Variants in AKAP19 observed in about 807,000 individuals in gnomAD.
The protein encoded by AKAP19 is A-kinase anchoring protein 19.
the AKAP19 span, among the ~76,000 whole-genome samples, chr2:190,046,012 C>T: frequency 3.7e-4 from 57 of 152,344 alleles, 1 homozygote; most frequent in South Asian, 0.012. Context: ...CAGGGTCGCA[C>T]ATTCACTCAC....
At chr2:189,887,351 C>T in the AKAP19 span, among the ~76,000 whole-genome samples, 1 of 152,188 alleles carries the variant, frequency 6.6e-6, no homozygotes, top group Non-Finnish European at 1.5e-5. Flanking sequence ...TGTATATGTG[C>T]CACATTTTCT....
chr2:190,073,782 T>A, the AKAP19 span, among the ~76,000 whole-genome samples: 1 of 151,880 alleles, frequency 6.6e-6, no homozygotes. Flanking sequence ...CCGGGTGCGG[T>A]GGCTCACGCC....
At chr2:189,895,686 A>C in the AKAP19 span, among the ~76,000 whole-genome samples, 1 of 152,116 alleles carries the variant, frequency 6.6e-6, no homozygotes, top group Non-Finnish European at 1.5e-5. Flanking sequence ...TATTGAGGGG[A>C]CTTGAATATC....
chr2:190,028,610 G>T, the AKAP19 span, among the ~76,000 whole-genome samples: 1 of 151,968 alleles, frequency 6.6e-6, no homozygotes, highest in Admixed American at 6.6e-5. Flanking sequence ...TATGCTTTTA[G>T]CTTCAGTAGA....
chr2:189,887,400 C>G, the AKAP19 span, among the ~76,000 whole-genome samples: 1 of 152,146 alleles, frequency 6.6e-6, no homozygotes. Context: ...GGGTTGGTTC[C>G]AAGTCTTTGC....
At chr2:190,108,316 C>T in the AKAP19 span, among the ~76,000 whole-genome samples, 6 of 152,064 alleles carry the variant, frequency 3.9e-5, no homozygotes, top group African/African-American at 7.2e-5. Flanking sequence ...CCAACACGCC[C>T]GGCTAATTTT....
At chr2:189,956,995 G>C in the AKAP19 span, among the ~76,000 whole-genome samples, 12 of 152,142 alleles carry the variant, frequency 7.9e-5, no homozygotes, top group Admixed American at 5.2e-4. Context: ...GGCCAATATG[G>C]TAAAACCTTG....
the AKAP19 span, among the ~76,000 whole-genome samples, chr2:189,989,702 A>G: frequency 6.6e-6 from 1 of 152,200 alleles, no homozygotes; most frequent in Non-Finnish European, 1.5e-5. Flanking sequence ...GTAGAACCCC[A>G]TCTGGAAAAG....
chr2:190,185,389 A>T, the AKAP19 span, among the ~76,000 whole-genome samples: 1 of 152,214 alleles, frequency 6.6e-6, no homozygotes, highest in African/African-American at 2.4e-5. Flanking sequence ...ATGTGACTGG[A>T]GGAGGTGGTT....
chr2:190,197,227 A>G, the AKAP19 span, among the ~76,000 whole-genome samples: 1 of 152,224 alleles, frequency 6.6e-6, no homozygotes, highest in South Asian at 2.1e-4. This position sits in a 1 kb window ranked among gnomAD's most constrained non-coding sequence, Gnocchi z 4.0. Context: ...TAGCCCTTTA[A>G]GAAAACACTT....
chr2:190,192,486 G>GTATC, the AKAP19 span, among the ~76,000 whole-genome samples: 2 of 146,442 alleles, frequency 1.4e-5, no homozygotes, highest in African/African-American at 5.3e-5. Flanking sequence ...GTGTGTGTGT[G>GTATC]TGTGTATCTA....
At chr2:189,913,017 A>AT in the AKAP19 span, among the ~76,000 whole-genome samples, 1 of 152,176 alleles carries the variant, frequency 6.6e-6, no homozygotes, top group Non-Finnish European at 1.5e-5. Context: ...AAAAGGATCT[A>AT]CTGGGAGAAG....
At chr2:190,012,769 G>A in the AKAP19 span, among the ~76,000 whole-genome samples, 26 of 152,160 alleles carry the variant, frequency 1.7e-4, no homozygotes, top group African/African-American at 5.3e-4. Flanking sequence ...CCTTTATTGT[G>A]TTGATTTCTA....
At chr2:189,910,431 G>A in the AKAP19 span, among the ~76,000 whole-genome samples, 5 of 151,714 alleles carry the variant, frequency 3.3e-5, no homozygotes, top group Non-Finnish European at 5.9e-5. Flanking sequence ...GCTCTTACCC[G>A]AATACTTTCC....
chr2:189,922,109 A>G, the AKAP19 span, among the ~76,000 whole-genome samples: 3 of 152,190 alleles, frequency 2.0e-5, no homozygotes, highest in Admixed American at 6.5e-5. Flanking sequence ...GAACAATGAA[A>G]TTGGCAGAAG....
At chr2:190,164,811 T>C in the AKAP19 span, among the ~76,000 whole-genome samples, 1 of 152,294 alleles carries the variant, frequency 6.6e-6, no homozygotes, top group Non-Finnish European at 1.5e-5. Context: ...AAAACTTACA[T>C]TCCTTGAGTG....
chr2:190,070,245 C>T, the AKAP19 span, among the ~76,000 whole-genome samples: 10 of 152,118 alleles, frequency 6.6e-5, no homozygotes, highest in East Asian at 1.4e-3. Context: ...CCCATTTGCT[C>T]AGGTATTGGG....
the AKAP19 span, among the ~76,000 whole-genome samples, chr2:189,972,866 C>T: frequency 6.1e-3 from 936 of 152,308 alleles, 6 homozygotes; most frequent in African/African-American, 0.021. Flanking sequence ...TGCTTATCAG[C>T]TTAAGGAGAT....
At chr2:190,167,289 C>T in the AKAP19 span, among the ~76,000 whole-genome samples, 1 of 152,110 alleles carries the variant, frequency 6.6e-6, no homozygotes, top group African/African-American at 2.4e-5. Flanking sequence ...AGACTTACCA[C>T]GAGAACAGCA....
Sources: allele counts gnomAD v4.1 joint callset (sites outside exome capture counted in the v4.1 genomes callset), GRCh38; gene constraint gnomAD v4.1.1; non-coding constraint Gnocchi (gnomAD v3.1); transcripts MANE v1.5; gene names NCBI Gene and HGNC (gene_info 2026-07-23, HGNC 2026-07-21).